Variants in SLC49A4 observed in about 807,000 individuals in gnomAD.
The protein encoded by SLC49A4 is solute carrier family 49 member 4.
In SLC49A4, 36 loss-of-function variants were observed where a neutral mutation model predicts 50.6. The ratio of observed to expected loss-of-function variants is 0.71; its 90% CI spans 0.55 to 0.94. The LOEUF is 0.94. SLC49A4 is among the 40% of genes least tolerant of loss of function. The pLI, the probability that SLC49A4 is intolerant of heterozygous loss-of-function variation, is 0.00. For missense variants in SLC49A4, 503 were observed against 605.7 expected, an observed-to-expected ratio of 0.83 and a Z score of 1.78; for synonymous variants, 248 against 241.2, an observed-to-expected ratio of 1.03 and a Z score of -0.26.
intron 2 of SLC49A4, among the ~76,000 whole-genome samples, chr3:122,817,026 T>C (rs558716554): frequency 6.6e-6 from 1 of 152,280 alleles, no homozygotes; most frequent in East Asian, 1.9e-4. Flanking sequence ...ATTGGCTACC[T>C]ATTTGGGAGG....
At chr3:122,806,114 G>A (rs9840504) in intron 1 of SLC49A4, among the ~76,000 whole-genome samples, 151,687 of 152,346 alleles carry the variant, frequency 1, 75,519 homozygotes, top group Middle Eastern at 1. Context: ...AGTTAAGGCA[G>A]TACTCTATCA....
intron 2 of SLC49A4, among the ~76,000 whole-genome samples, chr3:122,822,934 C>G (rs1487012956): frequency 6.6e-6 from 1 of 152,156 alleles, no homozygotes; most frequent in African/African-American, 2.4e-5. Context: ...TATATTGTAT[C>G]ACCTTAACGG....
chr3:122,875,972 A>G (rs1425492982), intron 8 of SLC49A4, among the ~76,000 whole-genome samples: 2 of 151,982 alleles, frequency 1.3e-5, no homozygotes, highest in Non-Finnish European at 2.9e-5. Flanking sequence ...TCCACCTCCT[A>G]TTTCAGTTCT....
chr3:122,866,899 A>G (rs1412774677), intron 7 of SLC49A4, among the ~76,000 whole-genome samples: 3 of 151,848 alleles, frequency 2.0e-5, no homozygotes, highest in Non-Finnish European at 4.4e-5. Flanking sequence ...ATGGTTAGAC[A>G]TGCTTTTTTT....
intron 1 of SLC49A4, 88 bp downstream of exon 1, chr3:122,795,623 TGGCCCC>T: frequency 6.7e-7 from 1 of 1,493,760 alleles, no homozygotes; most frequent in Non-Finnish European, 8.8e-7. Context: ...CCGCCTCCCT[TGGCCCC>T]GGCATAGGGG....
chr3:122,834,665 TAAC>T (rs961275423), intron 4 of SLC49A4, among the ~76,000 whole-genome samples: 19 of 149,266 alleles, frequency 1.3e-4, no homozygotes, highest in Non-Finnish European at 9.0e-5. Context: ...AGAGAAACAA[TAAC>T]AAACCAAAAC....
intron 1 of SLC49A4, among the ~76,000 whole-genome samples, chr3:122,803,761 A>T (rs1194082577): frequency 6.6e-6 from 1 of 152,228 alleles, no homozygotes; most frequent in African/African-American, 2.4e-5. Flanking sequence ...TTCTTTAGAC[A>T]TCTGCTGTGG....
chr3:122,875,783 T>C (rs1230971095), intron 8 of SLC49A4, among the ~76,000 whole-genome samples: 2 of 152,200 alleles, frequency 1.3e-5, no homozygotes, highest in Non-Finnish European at 1.5e-5. Context: ...CATCAGATAA[T>C]TTTTCAGGGC....
intron 2 of SLC49A4, among the ~76,000 whole-genome samples, chr3:122,825,233 G>T (rs943684782): frequency 2.0e-5 from 3 of 152,066 alleles, no homozygotes; most frequent in Non-Finnish European, 2.9e-5. Flanking sequence ...CTGTCTCATT[G>T]TTGTGCCATC....
intron 6 of SLC49A4, among the ~76,000 whole-genome samples, chr3:122,859,798 A>G (rs1937034710): frequency 6.6e-6 from 1 of 152,218 alleles, no homozygotes; most frequent in African/African-American, 2.4e-5. Flanking sequence ...CAGCCAGGCA[A>G]TGGTGAGATC....
chr3:122,880,948 A>G lies in SLC49A4; in HGVS notation c.*1570A>G. ...AGACCCTAACTTGTGAAACTAGGGA[A>G]GTAAGAAACCGTTCAAATTTAACAT... On this transcript the variant is annotated 3_prime_UTR_variant, in exon 9 of 9. Coordinates refer to ENST00000261038, the MANE Select transcript of SLC49A4 (RefSeq NM_032839.3). 6.6e-6 allele frequency: 1 copy of G among 152,194 alleles called. No homozygotes were observed. Among genetic ancestry groups the G allele is most frequent in the South Asian group, 2.1e-4 (1 of 4,826 alleles). The allele number at this position is 152,194 out of a possible 1,614,324, so 9.4% of individuals were successfully genotyped here. A position where few individuals can be genotyped will look rare whatever the true frequency, so the allele number is the denominator to read the frequency against.
intron 7 of SLC49A4, among the ~76,000 whole-genome samples, chr3:122,867,509 A>C (rs1167161698): frequency 6.6e-6 from 1 of 152,280 alleles, no homozygotes; most frequent in Non-Finnish European, 1.5e-5. Flanking sequence ...AAGATAATAT[A>C]TGTGAAAGCA....
At chr3:122,877,459 T>A (rs1390793277) in intron 8 of SLC49A4, among the ~76,000 whole-genome samples, 1 of 152,220 alleles carries the variant, frequency 6.6e-6, no homozygotes, top group Non-Finnish European at 1.5e-5. Context: ...GATTTTACAA[T>A]TCTAATAGTA....
In SLC49A4 at chr3:122,795,103, G is replaced by C; in HGVS notation, c.-90G>C. 1.6e-6 allele frequency: 2 copies of C among 1,223,378 alleles called. No homozygotes were observed. The highest frequency in any genetic ancestry group is 2.0e-6 in the Non-Finnish European group (2 of 981,450). 75.8% of individuals were successfully genotyped at this position (1,223,378 alleles called of 1,614,324 possible). On this transcript the variant is annotated 5_prime_UTR_variant, in exon 1 of 9. Transcript: ENST00000261038. ...GCCGAGGGCGACCACAGCAGCCTCCGCCTCCTGCTGCTCAGGACTATTCTG... is the reference window on the plus strand; with the variant it reads ...GCCGAGGGCGACCACAGCAGCCTCCCCCTCCTGCTGCTCAGGACTATTCTG...
rs377428843 is a variant in SLC49A4 at position 122,806,911 on chromosome 3, T to C, written c.398T>C (p.Leu133Pro). Residue 133 changes from leucine to proline, a missense_variant, in exon 2 of 9, where the codon CTA becomes CCA. Transcript: ENST00000261038. ...TTCCTTATGGTTTTGGGAACTGGTC[T>C]AAGATGCATACCTATATCAGACTTA... Reference protein sequence around the residue: ...TSFLMVLGTGLRCIPISDLIL... With the variant: ...TSFLMVLGTGPRCIPISDLIL... 1.2e-6 allele frequency: 2 copies of C among 1,608,896 alleles called. No individual in the cohort carries two copies.
chr3:122,872,380 A>G (rs764499964), intron 7 of SLC49A4, 35 bp from the exon 8 acceptor site: 2 of 1,544,430 alleles, frequency 1.3e-6, no homozygotes, highest in Admixed American at 1.8e-5. Context: ...CACTGCCGCT[A>G]GTGTGAAACT....
intron 8 of SLC49A4, among the ~76,000 whole-genome samples, chr3:122,875,905 G>T (rs918356194): frequency 3.3e-5 from 5 of 152,168 alleles, no homozygotes; most frequent in Admixed American, 3.3e-4. Context: ...GGGCAAATGT[G>T]GTTCAGGCTC....
intron 5 of SLC49A4, among the ~76,000 whole-genome samples, chr3:122,850,441 A>T (rs1936911012): frequency 6.6e-6 from 1 of 152,356 alleles, no homozygotes; most frequent in South Asian, 2.1e-4. Context: ...CTGCAGCTGC[A>T]AAAGCACCTC....
At position 122,795,160 on chromosome 3, in the gene SLC49A4, G is replaced by A; in HGVS notation, c.-33G>A. 2 of 1,311,506 alleles carry A rather than the reference G, an allele frequency of 1.5e-6. No individual in the cohort carries two copies. Among genetic ancestry groups the A allele is most frequent in the Non-Finnish European group, 1.9e-6 (2 of 1,039,378 alleles). The allele number at this position is 1,311,506 out of a possible 1,614,324, so 81.2% of individuals were successfully genotyped here. A position where few individuals can be genotyped will look rare whatever the true frequency, so the allele number is the denominator to read the frequency against. On this transcript the variant is annotated 5_prime_UTR_variant, in exon 1 of 9. Coordinates refer to ENST00000261038, the MANE Select transcript of SLC49A4 (RefSeq NM_032839.3). ...GCTAGTCGGCGGTGACCCGGACTGC[G>A]CCCGGCAGTGGCTTCGCGGGCGACG... is the stretch of plus-strand genomic sequence containing the variant.
Sources: gnomAD v4.1 joint callset for allele counts (sites outside exome capture counted in the v4.1 genomes callset) on GRCh38, gnomAD v4.1.1 for gene constraint, MANE v1.5 for transcripts, NCBI Gene and HGNC (gene_info 2026-07-23, HGNC 2026-07-21) for gene names.